The following PREX1 variants were observed in gnomAD, a reference collection of about 807,000 sequenced individuals.
The protein encoded by PREX1 is phosphatidylinositol 3,4,5-trisphosphate-dependent Rac exchanger 1 protein.
In PREX1, 41 loss-of-function variants were observed where a neutral mutation model predicts 198.3. That is an observed-to-expected ratio of 0.21 (90% CI 0.16 to 0.27). PREX1 has a LOEUF of 0.27. PREX1 is among the 10% of genes least tolerant of loss of function. PREX1 has a pLI of 1.00. For missense variants in PREX1, 1,620 were observed against 2,200.7 expected (o/e 0.74, Z 5.28); for synonymous variants, 843 against 887.2 (o/e 0.95, Z 0.89).
intron 1 of PREX1, among the ~76,000 whole-genome samples, chr20:48,779,278 TA>T (rs1247640400): frequency 6.6e-6 from 1 of 152,180 alleles, no homozygotes; most frequent in Non-Finnish European, 1.5e-5. Flanking sequence ...GAATGTAAGT[TA>T]AAATTACAAT....
chr20:48,777,012 C>T (rs1196488864), intron 1 of PREX1, among the ~76,000 whole-genome samples: 2 of 152,140 alleles, frequency 1.3e-5, no homozygotes, highest in Non-Finnish European at 2.9e-5. Flanking sequence ...TTCTCCCGCC[C>T]CTTGGTCCAG....
chr20:48,788,947 C>G (rs1341961779), intron 1 of PREX1, among the ~76,000 whole-genome samples: 1 of 152,184 alleles, frequency 6.6e-6, no homozygotes, highest in Non-Finnish European at 1.5e-5. Flanking sequence ...TTAGAACCCC[C>G]AAGAACGTTC....
chr20:48,732,616 T>C (rs2090039264), intron 4 of PREX1, among the ~76,000 whole-genome samples: 1 of 152,176 alleles, frequency 6.6e-6, no homozygotes, highest in Admixed American at 6.5e-5. Flanking sequence ...AGTCACTTAA[T>C]ATTGTGAAGT....
At chr20:48,626,241 T>C (rs1319400266) in intron 39 of PREX1, among the ~76,000 whole-genome samples, 1 of 152,160 alleles carries the variant, frequency 6.6e-6, no homozygotes, top group Non-Finnish European at 1.5e-5. Context: ...GCCACAGCAC[T>C]CTGCCCCTTA....
At chr20:48,629,668 C>A in intron 36 of PREX1, 47 bp from the exon 37 acceptor site, 1 of 1,575,074 alleles carries the variant, frequency 6.3e-7, no homozygotes, top group Non-Finnish European at 8.7e-7. Context: ...GAGGTCCTCA[C>A]AGCCCCTCAG....
At chr20:48,732,555 G>A (rs138263431) in intron 4 of PREX1, among the ~76,000 whole-genome samples, 1 of 152,254 alleles carries the variant, frequency 6.6e-6, no homozygotes, top group Non-Finnish European at 1.5e-5. Flanking sequence ...GAAAGACTGG[G>A]ACTGAAACCC....
chr20:48,737,215 C>CAAAAAAAAAAA (rs140010281), intron 3 of PREX1, among the ~76,000 whole-genome samples: 2 of 35,300 alleles, frequency 5.7e-5, no homozygotes, highest in Non-Finnish European at 1.0e-4. Flanking sequence ...GTTTTGACAG[C>CAAAAAAAAAAA]AAAAAAAAAA....
intron 6 of PREX1, among the ~76,000 whole-genome samples, chr20:48,703,484 G>A (rs1275754999): frequency 2.6e-5 from 4 of 152,156 alleles, no homozygotes; most frequent in South Asian, 2.1e-4. Flanking sequence ...GCATCCTCGC[G>A]AACTCCCTGG....
intron 3 of PREX1, among the ~76,000 whole-genome samples, chr20:48,734,988 G>A (rs1016114216): frequency 6.6e-6 from 1 of 152,218 alleles, no homozygotes; most frequent in Non-Finnish European, 1.5e-5. Flanking sequence ...CCTGTGCCTC[G>A]GTCTCCTTAT....
In PREX1 at chr20:48,714,642, C is replaced by T. The variant is rs116897617; in HGVS notation, c.622-6221G>A. ...GTGGAGATATGAAAAAAATAGAGCCCTCCTACATTGCTGGTAAAAATATAA... is the reference window on the plus strand; with the variant it reads ...GTGGAGATATGAAAAAAATAGAGCCTTCCTACATTGCTGGTAAAAATATAA... On this transcript the variant is annotated intron_variant, in intron 5 of 39. Transcript: ENST00000371941. Among the ~76,000 whole-genome samples the T allele has an allele frequency of 2.3e-3, 350 of 152,268 alleles. 4 individuals are homozygous for T. In the East Asian group the frequency reaches 0.045, roughly 19 times the overall value.
chr20:48,628,018 G>A (rs2089287067), intron 37 of PREX1, 55 bp from the exon 38 acceptor site: 1 of 975,104 alleles, frequency 1.0e-6, no homozygotes, highest in Non-Finnish European at 1.6e-6. Context: ...GGGGTCGGGG[G>A]AGGACAGCGG....
At chr20:48,717,921 A>C (rs956255120) in intron 5 of PREX1, among the ~76,000 whole-genome samples, 17 of 152,188 alleles carry the variant, frequency 1.1e-4, no homozygotes, top group African/African-American at 3.1e-4. Context: ...GATGAGACCA[A>C]GCTAAATGTT....
chr20:48,864,464 C>T, the PREX1 span, among the ~76,000 whole-genome samples: 3 of 152,182 alleles, frequency 2.0e-5, no homozygotes, highest in African/African-American at 7.2e-5. Flanking sequence ...GTTCAAAAAA[C>T]TTTGTGTACT....
chr20:48,666,887 C>T lies in PREX1; in HGVS notation c.1666-532G>A, dbSNP rs2089644506. Among the ~76,000 whole-genome samples, 1 of 152,076 alleles carries T rather than the reference C, an allele frequency of 6.6e-6. No individual in the cohort carries two copies. The highest frequency in any genetic ancestry group is 1.5e-5 in the Non-Finnish European group (1 of 68,010). ...TATTTTATTGTACTGTGATCAATAC[C>T]GCAAAGAAAAAATGGAGATTTTAAG... On this transcript the variant is annotated intron_variant, in intron 14 of 39. Transcript: ENST00000371941. This position sits in a 1 kb window ranked among gnomAD's most constrained non-coding sequence, Gnocchi z 4.3.
chr20:48,875,537 T>C, the PREX1 span, among the ~76,000 whole-genome samples: 1 of 152,256 alleles, frequency 6.6e-6, no homozygotes, highest in South Asian at 2.1e-4. Context: ...GGGCGGTAAG[T>C]GGCTTAGAAG....
At chr20:48,696,807 G>A (rs1353012277) in intron 7 of PREX1, among the ~76,000 whole-genome samples, 1 of 152,036 alleles carries the variant, frequency 6.6e-6, no homozygotes, top group African/African-American at 2.4e-5. Context: ...TTCGGCTCCT[G>A]GGCAAATTTC....
Position 48,652,599 on chromosome 20 carries a change from G to C in PREX1, c.2454C>G (p.Asp818Glu). 6.2e-7 allele frequency: 1 copy of C among 1,611,706 alleles called. No homozygotes were observed. The highest frequency in any genetic ancestry group is 8.5e-7 in the Non-Finnish European group (1 of 1,178,664). The change falls in exon 21 of 40, where the codon GAC (aspartate) becomes GAG (glutamate). Residue 818 changes from aspartate to glutamate, a missense_variant. Around this residue, in one of 7 missense-constraint regions of PREX1, gnomAD observed 514 missense variants for 611.6 expected, o/e 0.84. Transcript: ENST00000371941. ...CCCGTCTATTACCTGAATCAGCCTG[G>C]TCTTCCTCCTGGGCCTGCTCGCCAC... ...DPSGEQAQEEDQADSAFPLLS... is the reference protein window; with the variant it reads ...DPSGEQAQEEEQADSAFPLLS...
chr20:48,787,382 AAAAG>A (rs1318303230), intron 1 of PREX1, among the ~76,000 whole-genome samples: 1 of 152,178 alleles, frequency 6.6e-6, no homozygotes, highest in Non-Finnish European at 1.5e-5. Context: ...ACAAAAAAAA[AAAAG>A]AAAGAAAGAA....
chr20:48,761,538 CCCA>C (rs1427838981), intron 1 of PREX1, among the ~76,000 whole-genome samples: 1 of 152,084 alleles, frequency 6.6e-6, no homozygotes, highest in Non-Finnish European at 1.5e-5. Context: ...CGCCCCGTTC[CCCA>C]CCACATCGGG....
Sources: gnomAD v4.1 joint callset for allele counts (sites outside exome capture counted in the v4.1 genomes callset) on GRCh38, gnomAD v4.1.1 for gene constraint, gnomAD v4.1.1 regional missense constraint, Gnocchi (gnomAD v3.1) non-coding constraint, MANE v1.5 for transcripts, NCBI Gene and HGNC (gene_info 2026-07-23, HGNC 2026-07-21) for gene names.